IMMP2L: variants seen among roughly 807,000 people sequenced by gnomAD.
IMMP2L encodes mitochondrial inner membrane protease subunit 2.
A neutral mutation model predicts 19.3 loss-of-function variants in IMMP2L; 18 were observed. That is an observed-to-expected ratio of 0.93 (90% CI 0.64 to 1.38). The LOEUF is 1.38. Among genes scored for constraint, IMMP2L ranks in the 40% most tolerant of loss-of-function variants. IMMP2L has a pLI of 0.00. For synonymous variants in IMMP2L, 76 were observed against 73.0 expected, an observed-to-expected ratio of 1.04 and a Z score of -0.21; for missense variants, 233 against 218.2, an observed-to-expected ratio of 1.07 and a Z score of -0.43.
At chr7:110,691,643 G>A (rs1451010685) in intron 5 of IMMP2L, among the ~76,000 whole-genome samples, 1 of 151,990 alleles carries the variant, frequency 6.6e-6, no homozygotes, top group Non-Finnish European at 1.5e-5. Context: ...TCCAAAAAGT[G>A]GGCAAAGGAC....
At chr7:111,450,931 T>A (rs1400392002) in intron 3 of IMMP2L, among the ~76,000 whole-genome samples, 1 of 151,750 alleles carries the variant, frequency 6.6e-6, no homozygotes, top group East Asian at 1.9e-4. Context: ...AAAGAAGACA[T>A]TTATGCAGCC....
At chr7:111,466,965 T>C (rs1007876363) in intron 3 of IMMP2L, among the ~76,000 whole-genome samples, 1 of 152,152 alleles carries the variant, frequency 6.6e-6, no homozygotes, top group African/African-American at 2.4e-5. Context: ...TGGATTTTGG[T>C]ACAATTGAGA....
chr7:111,147,914 C>G (rs10237613), intron 3 of IMMP2L, among the ~76,000 whole-genome samples: 13,711 of 152,076 alleles, frequency 0.09, 1,437 homozygotes, highest in African/African-American at 0.25. Flanking sequence ...GCTTTCTATG[C>G]TTTTAAATTG....
At chr7:110,841,468 G>A (rs1805078421) in intron 5 of IMMP2L, among the ~76,000 whole-genome samples, 1 of 151,930 alleles carries the variant, frequency 6.6e-6, no homozygotes, top group Non-Finnish European at 1.5e-5. Context: ...CTCTATAGAT[G>A]TTTATTTTTA....
chr7:111,133,774 T>C (rs141265547), intron 3 of IMMP2L, among the ~76,000 whole-genome samples: 1 of 152,000 alleles, frequency 6.6e-6, no homozygotes, highest in African/African-American at 2.4e-5. Flanking sequence ...AAAATAGACA[T>C]AGGCACACTC....
intron 3 of IMMP2L, among the ~76,000 whole-genome samples, chr7:110,998,828 C>A (rs1207082010): frequency 2.0e-5 from 3 of 152,116 alleles, no homozygotes; most frequent in Non-Finnish European, 4.4e-5. Flanking sequence ...GTTGTACAGC[C>A]CCCTCAGATT....
intron 4 of IMMP2L, among the ~76,000 whole-genome samples, chr7:110,887,669 C>T (rs774199116): frequency 1.2e-4 from 18 of 149,422 alleles, no homozygotes; most frequent in South Asian, 1.1e-3. Flanking sequence ...ACCAACTAAA[C>T]GAAAGAGACA....
chr7:111,116,575 G>T (rs1422478390), intron 3 of IMMP2L, among the ~76,000 whole-genome samples: 1 of 152,028 alleles, frequency 6.6e-6, no homozygotes, highest in Non-Finnish European at 1.5e-5. Context: ...AATTTCACAG[G>T]ACATTAACAA....
intron 5 of IMMP2L, among the ~76,000 whole-genome samples, chr7:110,862,212 A>T (rs1353707699): frequency 1.3e-5 from 2 of 151,716 alleles, no homozygotes; most frequent in Non-Finnish European, 2.9e-5. Context: ...TTTTAAAGTC[A>T]ATTTTTTTTA....
intron 3 of IMMP2L, among the ~76,000 whole-genome samples, chr7:111,156,648 A>G (rs1009824043): frequency 2.0e-5 from 3 of 152,070 alleles, no homozygotes; most frequent in Admixed American, 6.6e-5. Context: ...CAGGTTTTAC[A>G]AAACTTTTAT....
chr7:110,948,982 A>G lies in IMMP2L; in HGVS notation c.305+14518T>C, dbSNP rs186020383. Among the ~76,000 whole-genome samples, 4 of 152,240 alleles carry G rather than the reference A, an allele frequency of 2.6e-5. No homozygotes were observed. In the East Asian group the frequency reaches 7.7e-4, roughly 29 times the overall value. ...GGCTCTTTGGCATTTGCACCCCACA[A>G]CTTACACCACTGCTCCCCTGCCCCC... On this transcript the variant is annotated intron_variant, in intron 4 of 5. Transcript: ENST00000405709.
At chr7:111,136,074 G>T (rs1392948619) in intron 3 of IMMP2L, among the ~76,000 whole-genome samples, 4 of 151,690 alleles carry the variant, frequency 2.6e-5, no homozygotes, top group Non-Finnish European at 4.4e-5. Flanking sequence ...TGTTGCCCAG[G>T]CTGGAGTGCA....
intron 2 of IMMP2L, among the ~76,000 whole-genome samples, chr7:111,496,655 C>A (rs905374645): frequency 3.3e-5 from 5 of 152,154 alleles, no homozygotes; most frequent in African/African-American, 1.2e-4. Context: ...CATTGCAAAT[C>A]TTAGAACTCC....
At position 111,287,896 on chromosome 7, in the gene IMMP2L, C is replaced by T. The variant is rs1045986831; in HGVS notation, c.239+199342G>A. Reference sequence around the variant, plus strand: ...GAAATATTGGAGTCTATAAAGTTTGCAGCATTTAATCTTGCTTCATAAAGC... The same window carrying T: ...GAAATATTGGAGTCTATAAAGTTTGTAGCATTTAATCTTGCTTCATAAAGC... On this transcript the variant is annotated intron_variant, in intron 3 of 5. Coordinates refer to ENST00000405709, the MANE Select transcript of IMMP2L (RefSeq NM_032549.4). Among the ~76,000 whole-genome samples, 4 of 152,236 alleles carry T rather than the reference C, an allele frequency of 2.6e-5. No homozygotes were observed. The East Asian group carries it at 7.7e-4, about 29-fold the overall frequency.
rs546825353 is a variant in IMMP2L, at chr7:111,343,833, T to C, written c.239+143405A>G. Among the ~76,000 whole-genome samples, 42 of 152,268 alleles carry C rather than the reference T, an allele frequency of 2.8e-4. 1 individual carries two copies. The South Asian group carries it at 5.8e-3, about 21-fold the overall frequency. The stretch of plus-strand genomic sequence containing the variant: ...ATCACCATAAACTCTTCAAGCTTTA[T>C]TTTCCTCTTCTGTAAAGTGAGGAAC... On this transcript the variant is annotated intron_variant, in intron 3 of 5. Coordinates refer to ENST00000405709, the MANE Select transcript of IMMP2L (RefSeq NM_032549.4).
At chr7:111,498,812 T>C (rs1027821504) in intron 2 of IMMP2L, among the ~76,000 whole-genome samples, 1 of 152,116 alleles carries the variant, frequency 6.6e-6, no homozygotes, top group African/African-American at 2.4e-5. Context: ...GTCAGCATCC[T>C]AACACTACAA....
At chr7:111,443,279 C>T (rs1300149794) in intron 3 of IMMP2L, among the ~76,000 whole-genome samples, 1 of 149,830 alleles carries the variant, frequency 6.7e-6, no homozygotes, top group South Asian at 2.1e-4. Flanking sequence ...CTGTTCAATA[C>T]AGTAATCCAA....
intron 3 of IMMP2L, among the ~76,000 whole-genome samples, chr7:111,041,519 A>T (rs1791896729): frequency 6.6e-6 from 1 of 150,906 alleles, no homozygotes. Flanking sequence ...GTAAAGTTAA[A>T]CTCTTTTTGA....
chr7:111,556,018 G>GTATATATATATATATATATATA (rs1554550149), intron 1 of IMMP2L, among the ~76,000 whole-genome samples: 2,770 of 91,002 alleles, frequency 0.03, 348 homozygotes, highest in South Asian at 0.063. Flanking sequence ...CTGTGTGCAT[G>GTATATATATATATATATATATA]TATATATATA....
Sources: allele counts gnomAD v4.1 joint callset (sites outside exome capture counted in the v4.1 genomes callset), GRCh38; gene constraint gnomAD v4.1.1; transcripts MANE v1.5; gene names NCBI Gene and HGNC (gene_info 2026-07-23, HGNC 2026-07-21).